Variants in PIK3R3 observed in about 807,000 individuals in gnomAD.
PIK3R3 encodes phosphatidylinositol 3-kinase regulatory subunit gamma.
In PIK3R3, 64 loss-of-function variants were observed where a neutral mutation model predicts 62.9. The observed-to-expected ratio is 1.02, with a 90% CI of 0.83 to 1.25. PIK3R3 has a LOEUF of 1.25. PIK3R3 is among the 50% of genes most tolerant of loss of function. The pLI is 0.00. For missense variants in PIK3R3, 614 were observed against 561.6 expected (o/e 1.09, Z -0.94); for synonymous variants, 165 against 189.0 (o/e 0.87, Z 1.04).
At chr1:46,051,118 G>A (rs1336643856) in intron 7 of PIK3R3, among the ~76,000 whole-genome samples, 1 of 151,896 alleles carries the variant, frequency 6.6e-6, no homozygotes, top group East Asian at 1.9e-4. Flanking sequence ...TAAAATATGT[G>A]GTGATGACAA....
chr1:46,140,857 G>GT, the PIK3R3 span, among the ~76,000 whole-genome samples: 3 of 151,278 alleles, frequency 2.0e-5, no homozygotes, highest in Admixed American at 6.6e-5. Flanking sequence ...TTTGTTTTTT[G>GT]TTTTTTTGTT....
rs149600804 is a variant in PIK3R3 at position 46,096,939 on chromosome 1, CTG to C, written c.107-16191_107-16190del. 6.4e-4 allele frequency among the ~76,000 whole-genome samples: 97 copies of C among 150,782 alleles called. 1 individual carries two copies. In the East Asian group the frequency reaches 0.017, roughly 26 times the overall value. On this transcript the variant is annotated intron_variant, in intron 1 of 9. Transcript: ENST00000262741. ...TATTCAGGGAACTTCTCAACTCATT[CTG>C]TGAGGCCAGTCTTCCCGATACCAAA... is the stretch of plus-strand genomic sequence containing the variant.
At chr1:46,153,971 T>C in the PIK3R3 span, among the ~76,000 whole-genome samples, 1 of 152,162 alleles carries the variant, frequency 6.6e-6, no homozygotes, top group African/African-American at 2.4e-5. Flanking sequence ...TCTAGAAGGA[T>C]AAGTAAGAAT....
At chr1:46,049,469 C>T (rs902947644) in intron 7 of PIK3R3, among the ~76,000 whole-genome samples, 3 of 152,338 alleles carry the variant, frequency 2.0e-5, no homozygotes, top group East Asian at 1.9e-4. Context: ...AAGTAGAAAA[C>T]GGGGTGACAG....
intron 3 of PIK3R3, among the ~76,000 whole-genome samples, chr1:46,070,540 A>C (rs186871009): frequency 1.3e-5 from 2 of 152,366 alleles, no homozygotes; most frequent in East Asian, 1.9e-4. Context: ...AGCAGGATGA[A>C]TGCATTGTGG....
chr1:46,044,402 G>A lies in PIK3R3; in HGVS notation c.1188-531C>T, dbSNP rs1212970572. 6.6e-6 allele frequency among the ~76,000 whole-genome samples: 1 copy of A among 152,178 alleles called. No homozygotes were observed. Among genetic ancestry groups the A allele is most frequent in the Non-Finnish European group, 1.5e-5 (1 of 68,024 alleles). On this transcript the variant is annotated intron_variant, in intron 9 of 9. Coordinates refer to ENST00000262741, the MANE Select transcript of PIK3R3 (RefSeq NM_003629.4). The surrounding 1 kb of genome is among the most constrained non-coding windows in gnomAD (Gnocchi z 4.2). Reference sequence around the variant, plus strand: ...GGTAGTTTTTGATTAATCAGTTTATGTAAGGACTGCAGCCAAGTCCTGAAC... The same window carrying A: ...GGTAGTTTTTGATTAATCAGTTTATATAAGGACTGCAGCCAAGTCCTGAAC...
chr1:46,087,394 T>C (rs111339535), intron 1 of PIK3R3, among the ~76,000 whole-genome samples: 2 of 152,010 alleles, frequency 1.3e-5, no homozygotes, highest in African/African-American at 4.8e-5. Flanking sequence ...GAGCCCTATA[T>C]TGAAAACGGC....
At chr1:46,145,457 C>G in the PIK3R3 span, among the ~76,000 whole-genome samples, 8 of 152,154 alleles carry the variant, frequency 5.3e-5, no homozygotes, top group Non-Finnish European at 1.0e-4. Context: ...TGGTGAGAGC[C>G]TCATGCTGCT....
At position 46,114,033 on chromosome 1, in the gene PIK3R3, T is replaced by C. The variant is rs533704371; in HGVS notation, c.106+17814A>G. Among the ~76,000 whole-genome samples, 20 of 152,310 alleles carry C rather than the reference T, an allele frequency of 1.3e-4. 1 individual carries two copies. In the South Asian group the frequency reaches 2.9e-3, roughly 22 times the overall value. On this transcript the variant is annotated intron_variant, in intron 1 of 9. Transcript: ENST00000262741. The stretch of plus-strand genomic sequence containing the variant: ...TTTCATAATTACAGTCTGAGCTTCT[T>C]GAGGACAGGGATTATGTAATCTTCA...
At chr1:46,053,396 G>A (rs886312942) in intron 7 of PIK3R3, among the ~76,000 whole-genome samples, 1 of 152,080 alleles carries the variant, frequency 6.6e-6, no homozygotes, top group Non-Finnish European at 1.5e-5. Context: ...TTTGCCACAT[G>A]CTATATAGTC....
chr1:46,064,195 A>G (rs1176096931), intron 5 of PIK3R3, among the ~76,000 whole-genome samples: 1 of 152,136 alleles, frequency 6.6e-6, no homozygotes, highest in Non-Finnish European at 1.5e-5. Flanking sequence ...CCTGGGCAAT[A>G]GAGTGAGACT....
At chr1:46,105,131 TC>T in intron 1 of PIK3R3, 1 of 704,140 alleles carries the variant, frequency 1.4e-6, no homozygotes, top group Admixed American at 1.9e-5. Context: ...ATGGAACCTG[TC>T]CCCTGATGGG....
the PIK3R3 span, among the ~76,000 whole-genome samples, chr1:46,164,713 G>A: frequency 1.2e-4 from 19 of 152,158 alleles, no homozygotes; most frequent in African/African-American, 3.1e-4. Flanking sequence ...TTCTAACCTC[G>A]TCTCTTTCTA....
At chr1:46,115,727 A>G (rs1371852723) in intron 1 of PIK3R3, among the ~76,000 whole-genome samples, 1 of 152,190 alleles carries the variant, frequency 6.6e-6, no homozygotes, top group Non-Finnish European at 1.5e-5. Flanking sequence ...AACTAAACAG[A>G]CTTTTTTTCC....
At chr1:46,113,887 T>C (rs942944486) in intron 1 of PIK3R3, among the ~76,000 whole-genome samples, 1 of 152,154 alleles carries the variant, frequency 6.6e-6, no homozygotes, top group African/African-American at 2.4e-5. Flanking sequence ...ATAATAAGTA[T>C]GGTTAAGGAT....
intron 1 of PIK3R3, among the ~76,000 whole-genome samples, chr1:46,103,979 G>A (rs190460907): frequency 3.0e-4 from 45 of 151,996 alleles, no homozygotes; most frequent in African/African-American, 1.1e-3. Context: ...AAGCTGGGGT[G>A]AAGTGACGTG....
At chr1:46,055,064 A>C (rs1647750066) in intron 7 of PIK3R3, among the ~76,000 whole-genome samples, 1 of 150,174 alleles carries the variant, frequency 6.7e-6, no homozygotes. Context: ...CACTATGCCC[A>C]GCTAATTTTT....
intron 7 of PIK3R3, among the ~76,000 whole-genome samples, chr1:46,049,636 C>T (rs1647206079): frequency 6.6e-6 from 1 of 152,176 alleles, no homozygotes; most frequent in South Asian, 2.1e-4. Flanking sequence ...GAGGAGCACC[C>T]AATGACAGCA....
rs554326342 is a variant in PIK3R3 at position 46,082,731 on chromosome 1, G to C, written c.107-1981C>G. ...AACCAAAAAATTGTAAGCAATCTTG[G>C]GGGGAAGGAGAACAATGTGAATATT... On this transcript the variant is annotated intron_variant, in intron 1 of 9. Transcript: ENST00000262741. 1.1e-4 allele frequency among the ~76,000 whole-genome samples: 17 copies of C among 152,006 alleles called. No individual in the cohort carries two copies. The South Asian group carries it at 3.3e-3, about 30-fold the overall frequency.
Sources: gnomAD v4.1 joint callset for allele counts (sites outside exome capture counted in the v4.1 genomes callset) on GRCh38, gnomAD v4.1.1 for gene constraint, Gnocchi (gnomAD v3.1) non-coding constraint, MANE v1.5 for transcripts, NCBI Gene and HGNC (gene_info 2026-07-23, HGNC 2026-07-21) for gene names.